The following MYOCD variants were observed in gnomAD, a reference collection of about 807,000 sequenced individuals.
The protein encoded by MYOCD is myocardin.
A neutral mutation model predicts 96.1 loss-of-function variants in MYOCD; 32 were observed. The observed-to-expected ratio is 0.33, with a 90% confidence interval of 0.25 to 0.45. The LOEUF (loss-of-function observed/expected upper bound fraction) is 0.45, where lower values mean the gene tolerates loss of function less well. Among genes scored for constraint, MYOCD ranks in the 20% least tolerant of loss-of-function variants. MYOCD has a pLI of 1.00. For synonymous variants in MYOCD, 469 were observed against 469.0 expected, an observed-to-expected ratio of 1.00 and a Z score of 0.00; for missense variants, 1,133 against 1,200.6, an observed-to-expected ratio of 0.94 and a Z score of 0.83.
chr17:12,744,037 C>T (rs1318237284), intron 7 of MYOCD, 146 bp from the exon 8 acceptor site: 14 of 919,056 alleles, frequency 1.5e-5, no homozygotes, highest in Non-Finnish European at 2.3e-5. Context: ...GTCCTAGGAG[C>T]TCTTTGTACA....
rs1228243878 is a variant in MYOCD, at chr17:12,722,711, T to C, written c.254-136T>C. 1.5e-5 allele frequency: 10 copies of C among 680,546 alleles called. No homozygotes were observed. In the Admixed American group the frequency reaches 2.6e-4, roughly 17 times the overall value. The allele number at this position is 680,546 out of a possible 1,614,324, so 42.2% of individuals were successfully genotyped here. On this transcript the variant is annotated intron_variant, in intron 4 of 13. Coordinates refer to ENST00000425538, the MANE Select transcript of MYOCD (RefSeq NM_001146312.3). ...GGTGCTAATCCCTGTAAAGTGATGA[T>C]GATTGCATCGAAAAATTATTAGGAT...
chr17:12,705,318 G>T, intron 2 of MYOCD, 125 bp downstream of exon 2: 1 of 630,296 alleles, frequency 1.6e-6, no homozygotes, highest in Non-Finnish European at 2.8e-6. Flanking sequence ...CAAAGCATTG[G>T]TATCAGCAGA....
Position 12,741,561 on chromosome 17 carries a change from T to G in MYOCD, c.717+2233T>G, listed in dbSNP as rs143012732. ...CGTCTCTACCAAAAAATACAAAAAT[T>G]AGCCGGACGTGGTGGCGTGTGCCTG... On this transcript the variant is annotated intron_variant, in intron 7 of 13. Coordinates refer to ENST00000425538, the MANE Select transcript of MYOCD (RefSeq NM_001146312.3). Among the ~76,000 whole-genome samples the G allele has an allele frequency of 6.0e-3, 909 of 151,948 alleles. 17 individuals carry two copies. Among genetic ancestry groups the G allele is most frequent in the East Asian group, 0.031 (160 of 5,140 alleles).
chr17:12,727,187 G>T (rs968619136), intron 5 of MYOCD, among the ~76,000 whole-genome samples: 2 of 152,144 alleles, frequency 1.3e-5, no homozygotes, highest in African/African-American at 4.8e-5. Context: ...AAAAGGAATG[G>T]CTAGAGAAAG....
intron 7 of MYOCD, 86 bp downstream of exon 7, chr17:12,739,414 C>T (rs1308204276): frequency 1.4e-6 from 2 of 1,430,952 alleles, no homozygotes. Context: ...TTAGGTCTGA[C>T]AACACGAGGA....
chr17:12,737,111 C>T (rs180729105), intron 6 of MYOCD, among the ~76,000 whole-genome samples: 69 of 151,890 alleles, frequency 4.5e-4, no homozygotes, highest in Admixed American at 1.7e-3. Flanking sequence ...AAAAATTAGC[C>T]GGGCATGGTG....
At chr17:12,690,047 G>C (rs1244892307) in intron 1 of MYOCD, among the ~76,000 whole-genome samples, 1 of 152,102 alleles carries the variant, frequency 6.6e-6, no homozygotes, top group Admixed American at 6.5e-5. Flanking sequence ...ATATAGAGAT[G>C]TTAAATGCCA....
chr17:12,728,610 G>T (rs887473369), intron 5 of MYOCD, among the ~76,000 whole-genome samples: 1 of 152,100 alleles, frequency 6.6e-6, no homozygotes, highest in Non-Finnish European at 1.5e-5. Context: ...CTCCCAAGTA[G>T]CTGGAATTAC....
intron 1 of MYOCD, among the ~76,000 whole-genome samples, chr17:12,674,319 C>T (rs959741844): frequency 1.3e-5 from 2 of 152,208 alleles, no homozygotes; most frequent in African/African-American, 4.8e-5. Flanking sequence ...TGGGCTACAA[C>T]TCCAGGCATA....
intron 5 of MYOCD, among the ~76,000 whole-genome samples, chr17:12,724,639 T>C (rs544404440): frequency 1.3e-5 from 2 of 152,272 alleles, no homozygotes; most frequent in South Asian, 2.1e-4. Flanking sequence ...CTTAAAAATA[T>C]AGAGTTTATT....
At chr17:12,759,772 C>A (rs2033118735) in intron 12 of MYOCD, among the ~76,000 whole-genome samples, 1 of 152,192 alleles carries the variant, frequency 6.6e-6, no homozygotes. Context: ...GAGCCAAGTT[C>A]TTGAGCCACA....
intron 6 of MYOCD, 124 bp from the exon 7 acceptor site, chr17:12,739,079 C>G: frequency 9.0e-7 from 1 of 1,106,698 alleles, no homozygotes; most frequent in African/African-American, 1.6e-5. Context: ...AGGGAGTAGG[C>G]TGATATTTAC....
intron 2 of MYOCD, among the ~76,000 whole-genome samples, chr17:12,713,235 C>T (rs1243634708): frequency 6.6e-6 from 1 of 152,118 alleles, no homozygotes; most frequent in African/African-American, 2.4e-5. Flanking sequence ...AGAACTGGAC[C>T]GTGTGAATCA....
intron 10 of MYOCD, among the ~76,000 whole-genome samples, chr17:12,753,561 G>A (rs1267376178): frequency 6.6e-6 from 1 of 152,208 alleles, no homozygotes; most frequent in African/African-American, 2.4e-5. Flanking sequence ...TCTGTAAAGG[G>A]CGAGATGGTA....
chr17:12,756,087 TACAGGGCA>T (rs2033003430), intron 10 of MYOCD, among the ~76,000 whole-genome samples: 1 of 152,072 alleles, frequency 6.6e-6, no homozygotes, highest in Non-Finnish European at 1.5e-5. Flanking sequence ...GGATGGAATG[TACAGGGCA>T]TGCTGCCGGA....
rs773138685 is a variant in MYOCD, at chr17:12,739,273, G to C, written c.662G>C (p.Gly221Ala). The C allele has an allele frequency of 8.7e-6, 14 of 1,608,602 alleles. No individual in the cohort carries two copies. Among genetic ancestry groups the C allele is most frequent in the Non-Finnish European group, 1.1e-5 (13 of 1,177,924 alleles). ...CAGCCCAGCCACCAGTCAGATGCGGGGAAGCAGGGGCTTGGCCCCCCCAGC... is the reference window on the plus strand; with the variant it reads ...CAGCCCAGCCACCAGTCAGATGCGGCGAAGCAGGGGCTTGGCCCCCCCAGC... Reference protein sequence around the residue: ...ASQPSHQSDAGKQGLGPPSTP... With the variant: ...ASQPSHQSDAAKQGLGPPSTP... The change falls in exon 7 of 14, where the codon GGG becomes GCG. Residue 221 changes from glycine (G) to alanine (A), a missense_variant. Physicochemically the swap from Gly to Ala is moderately conservative, Grantham distance 60. Coordinates refer to ENST00000425538, the MANE Select transcript of MYOCD (RefSeq NM_001146312.3).
At position 12,693,477 on chromosome 17, in the gene MYOCD, G is replaced by A. The variant is rs367700448; in HGVS notation, c.56-11651G>A. On this transcript the variant is annotated intron_variant, in intron 1 of 13. Transcript: ENST00000425538. ...ATACAAAAATGAGCTGGACATGATGGTGTGTGTCTGTAATCCCAGCTACTC... is the reference window on the plus strand; with the variant it reads ...ATACAAAAATGAGCTGGACATGATGATGTGTGTCTGTAATCCCAGCTACTC... Among the ~76,000 whole-genome samples the A allele has an allele frequency of 1.0e-3, 158 of 152,054 alleles. 7 individuals carry two copies. The South Asian group carries it at 0.032, about 30-fold the overall frequency.
intron 1 of MYOCD, among the ~76,000 whole-genome samples, chr17:12,676,806 A>T (rs1316881367): frequency 6.6e-6 from 1 of 152,214 alleles, no homozygotes; most frequent in Non-Finnish European, 1.5e-5. Context: ...CATCTGGCTG[A>T]CTTGGCTTCA....
chr17:12,691,603 G>A (rs555635725), intron 1 of MYOCD, among the ~76,000 whole-genome samples: 4 of 152,162 alleles, frequency 2.6e-5, no homozygotes, highest in Non-Finnish European at 4.4e-5. Context: ...AGCATGAAAC[G>A]TGCCTCATGT....
Sources: gnomAD v4.1 joint callset for allele counts (sites outside exome capture counted in the v4.1 genomes callset) on GRCh38, gnomAD v4.1.1 for gene constraint, MANE v1.5 for transcripts, NCBI Gene and HGNC (gene_info 2026-07-23, HGNC 2026-07-21) for gene names.